LIN9: variants seen among roughly 807,000 people sequenced by gnomAD.
The protein encoded by LIN9 is lin-9 DREAM MuvB core complex component.
A neutral mutation model predicts 78.0 loss-of-function variants in LIN9; 18 were observed. The observed-to-expected ratio is 0.23, with a 90% CI of 0.16 to 0.34. LIN9 has a LOEUF of 0.34. LIN9 is among the 10% of genes least tolerant of loss of function. The pLI, the probability that LIN9 is intolerant of heterozygous loss-of-function variation, is 1.00. For missense variants in LIN9, 451 were observed against 644.1 expected, an observed-to-expected ratio of 0.70 and a Z score of 3.25; for synonymous variants, 192 against 215.2, an observed-to-expected ratio of 0.89 and a Z score of 0.94.
At chr1:226,245,826 G>A (rs1658442139) in intron 11 of LIN9, among the ~76,000 whole-genome samples, 2 of 152,078 alleles carry the variant, frequency 1.3e-5, no homozygotes, top group African/African-American at 4.8e-5. Flanking sequence ...TCAAACTCCT[G>A]GCCTCAAGCA....
chr1:226,283,250 C>G (rs1320096849), intron 6 of LIN9, among the ~76,000 whole-genome samples: 1 of 150,638 alleles, frequency 6.6e-6, no homozygotes, highest in East Asian at 1.9e-4. Context: ...CCTCAGCCTC[C>G]TGAGTAGCAT....
chr1:226,309,565 A>G (rs1282999642), upstream of LIN9: 7 of 1,182,254 alleles, frequency 5.9e-6, no homozygotes, highest in Non-Finnish European at 7.5e-6. Flanking sequence ...GCGGGGGGAA[A>G]GAAGCCCTCG....
At chr1:226,253,139 T>C (rs981205127) in intron 10 of LIN9, among the ~76,000 whole-genome samples, 1 of 150,982 alleles carries the variant, frequency 6.6e-6, no homozygotes, top group African/African-American at 2.4e-5. Context: ...GGCGCCCACC[T>C]GTAGTCCCAG....
At chr1:226,294,441 A>G (rs4612598) in intron 4 of LIN9, among the ~76,000 whole-genome samples, 106,884 of 151,812 alleles carry the variant, frequency 0.7, 37,736 homozygotes, top group East Asian at 0.75. Context: ...TTAGCCAGGC[A>G]CATGCCTGTA....
chr1:226,304,205 G>A (rs1164161317), intron 1 of LIN9, among the ~76,000 whole-genome samples: 3 of 152,152 alleles, frequency 2.0e-5, no homozygotes, highest in African/African-American at 4.8e-5. Context: ...TCAGTCAGGC[G>A]AATCTGATTA....
chr1:226,271,454 A>G (rs1485618524), intron 7 of LIN9, among the ~76,000 whole-genome samples: 2 of 152,226 alleles, frequency 1.3e-5, no homozygotes, highest in African/African-American at 4.8e-5. Context: ...GAAATTCTCT[A>G]TATGATTTCA....
intron 10 of LIN9, among the ~76,000 whole-genome samples, chr1:226,251,429 T>C (rs1438295621): frequency 6.6e-6 from 1 of 152,190 alleles, no homozygotes; most frequent in Non-Finnish European, 1.5e-5. Flanking sequence ...GGTTTTGCCA[T>C]GTTGGCCAGG....
intron 10 of LIN9, among the ~76,000 whole-genome samples, chr1:226,253,718 C>T (rs995862501): frequency 1.8e-4 from 27 of 151,846 alleles, no homozygotes; most frequent in Middle Eastern, 6.8e-3. Flanking sequence ...GAGTTTGAGA[C>T]CAACCTGGCC....
chr1:226,308,398 C>A (rs959522043), intron 1 of LIN9, among the ~76,000 whole-genome samples: 2 of 151,984 alleles, frequency 1.3e-5, no homozygotes, highest in Non-Finnish European at 2.9e-5. Context: ...CATAAAGGTA[C>A]CTTTATGGCT....
At chr1:226,241,784 C>T (rs1049622339) in intron 11 of LIN9, among the ~76,000 whole-genome samples, 2 of 151,420 alleles carry the variant, frequency 1.3e-5, no homozygotes, top group Non-Finnish European at 2.9e-5. Flanking sequence ...CATGAACCCG[C>T]GAGGTGGAGC....
rs1470104854 is a variant in LIN9 at position 226,239,058 on chromosome 1, C to T, written c.1158G>A (p.Arg386=). ...YSMPISIEFQ[R]RYATIVLELE... Reference sequence around the variant, plus strand: ...GCTCCAGAACAATTGTTGCATATCTCCGCTGAAATTCAATGCTGATGGGCA... The same window carrying T: ...GCTCCAGAACAATTGTTGCATATCTTCGCTGAAATTCAATGCTGATGGGCA... The change falls in exon 12 of 15, where the codon CGG becomes CGA. Residue 386 remains arginine, a synonymous_variant. Transcript: ENST00000681046. 6 of 1,613,646 alleles carry T rather than the reference C, an allele frequency of 3.7e-6. No homozygotes were observed. In the African/African-American group the frequency reaches 4.0e-5, roughly 11 times the overall value.
intron 11 of LIN9, among the ~76,000 whole-genome samples, chr1:226,244,961 A>T (rs1658371066): frequency 1.3e-5 from 2 of 152,228 alleles, no homozygotes; most frequent in Admixed American, 1.3e-4. Flanking sequence ...ATGAACATGT[A>T]GTCATTTTGG....
Position 226,299,907 on chromosome 1 carries a change from T to C in LIN9, c.64+1266A>G, listed in dbSNP as rs145823196. Among the ~76,000 whole-genome samples, 278 of 152,150 alleles carry C rather than the reference T, an allele frequency of 1.8e-3. 2 individuals carry two copies. Among genetic ancestry groups the C allele is most frequent in the East Asian group, 0.011 (59 of 5,166 alleles). ...CTTTTATTTTTATTTCAAGACATTA[T>C]TACTTAGAAAGCAAGATTCTTTTTT... On this transcript the variant is annotated intron_variant, in intron 2 of 14. Coordinates refer to ENST00000681046, the MANE Select transcript of LIN9 (RefSeq NM_001366245.2).
chr1:226,297,572 AAAT>A (rs1484829450), intron 3 of LIN9, 144 bp downstream of exon 3: 1 of 440,092 alleles, frequency 2.3e-6, no homozygotes, highest in African/African-American at 2.0e-5. Context: ...TAATTTACCT[AAAT>A]AAGATCAAAC....
At chr1:226,255,693 C>T (rs1050671664) in intron 10 of LIN9, among the ~76,000 whole-genome samples, 39 of 152,216 alleles carry the variant, frequency 2.6e-4, no homozygotes, top group African/African-American at 8.7e-4. Flanking sequence ...ATGGGCAATG[C>T]AAGCAAAGAG....
intron 3 of LIN9, among the ~76,000 whole-genome samples, chr1:226,296,193 C>A (rs1662137617): frequency 1.3e-5 from 2 of 152,154 alleles, no homozygotes; most frequent in African/African-American, 4.8e-5. Flanking sequence ...AAAACTGGAA[C>A]CCCAAGTCTC....
Position 226,231,894 on chromosome 1 carries a change from T to C in LIN9, c.*607A>G, listed in dbSNP as rs1657359704. ...TTATATGTTATGATAAATTAAAATA[T>C]TTATTATTATAAAATGATCTACAGA... is the stretch of plus-strand genomic sequence containing the variant. On this transcript the variant is annotated 3_prime_UTR_variant, in exon 15 of 15. Coordinates refer to ENST00000681046, the MANE Select transcript of LIN9 (RefSeq NM_001366245.2). The C allele has an allele frequency of 6.0e-6, 2 of 334,292 alleles. No homozygotes were observed. Among genetic ancestry groups the C allele is most frequent in the Non-Finnish European group, 1.1e-5 (2 of 188,430 alleles). 20.7% of individuals were successfully genotyped at this position (334,292 alleles called of 1,614,324 possible).
chr1:226,303,237 T>C (rs1358347325), intron 1 of LIN9, among the ~76,000 whole-genome samples: 1 of 152,188 alleles, frequency 6.6e-6, no homozygotes. Flanking sequence ...ACTGATGGCA[T>C]GCCAGTCCCT....
intron 7 of LIN9, among the ~76,000 whole-genome samples, chr1:226,272,871 C>T (rs1026108890): frequency 2.0e-5 from 3 of 152,116 alleles, no homozygotes; most frequent in African/African-American, 7.2e-5. Flanking sequence ...GAGCTTGGGG[C>T]CTTCACAGCC....
Sources: allele counts gnomAD v4.1 joint callset (sites outside exome capture counted in the v4.1 genomes callset), GRCh38; gene constraint gnomAD v4.1.1; transcripts MANE v1.5; gene names NCBI Gene and HGNC (gene_info 2026-07-23, HGNC 2026-07-21).